Variants in TMEM255B observed in about 807,000 individuals in gnomAD.
The protein encoded by TMEM255B is family with sequence similarity 70, member B.
In TMEM255B, 35 loss-of-function variants were observed where a neutral mutation model predicts 34.5. The ratio of observed to expected loss-of-function variants is 1.01; its 90% confidence interval spans 0.77 to 1.34. The LOEUF is 1.34. Among genes scored for constraint, TMEM255B ranks in the 40% most tolerant of loss-of-function variants. TMEM255B has a pLI of 0.00. For missense variants in TMEM255B, 432 were observed against 433.2 expected, an observed-to-expected ratio of 1.00 and a Z score of 0.02; for synonymous variants, 206 against 201.2, an observed-to-expected ratio of 1.02 and a Z score of -0.20.
chr13:113,811,644 G>T, intron 8 of TMEM255B, 92 bp from the exon 9 acceptor site: 1 of 1,468,110 alleles, frequency 6.8e-7, no homozygotes, highest in Non-Finnish European at 9.3e-7. Flanking sequence ...GGTGGGGAGC[G>T]TGTGAGTGGC....
chr13:113,772,637 G>C (rs1351550402), intron 3 of TMEM255B, among the ~76,000 whole-genome samples: 1 of 152,220 alleles, frequency 6.6e-6, no homozygotes, highest in Admixed American at 6.5e-5. Flanking sequence ...ACATCCAGTT[G>C]TCCAAGCACC....
rs972937161 is a variant in TMEM255B at position 113,766,640 on chromosome 13, A to G, written c.189+383A>G. On this transcript the variant is annotated intron_variant, in intron 2 of 8. Transcript: ENST00000375353. ...AGCCCAGGATGTCCAAAAAGGCCGG[A>G]CAGAGCCTCCCCAAGCATCCTGGAA... 2.0e-5 allele frequency among the ~76,000 whole-genome samples: 3 copies of G among 152,362 alleles called. No individual in the cohort carries two copies. In the East Asian group the frequency reaches 5.8e-4, roughly 29 times the overall value.
chr13:113,783,304 C>T (rs1216716668), intron 3 of TMEM255B, among the ~76,000 whole-genome samples: 2 of 152,170 alleles, frequency 1.3e-5, no homozygotes, highest in Non-Finnish European at 2.9e-5. Flanking sequence ...AAGCCAGTGT[C>T]TCCCTGTTGG....
Position 113,799,401 on chromosome 13 carries a change from C to T in TMEM255B, c.405C>T (p.Tyr135=), listed in dbSNP as rs140209642. 1.0e-3 allele frequency: 1,675 copies of T among 1,614,162 alleles called. 2 individuals carry two copies. Among genetic ancestry groups the T allele is most frequent in the Non-Finnish European group, 1.3e-3 (1,501 of 1,180,024 alleles). Residue 135 remains tyrosine (Y), a synonymous_variant, in exon 5 of 9, where the codon TAC becomes TAT. Coordinates refer to ENST00000375353, the MANE Select transcript of TMEM255B (RefSeq NM_182614.4). ...QFYSSGVGYL[Y]DVYQTEVTCH... ...ACTCCAGTGGGGTGGGGTACTTGTA[C>T]GATGTCTACCAGACAGAGGTGAGCA...
chr13:113,762,310 T>C (rs1594611742), intron 1 of TMEM255B, among the ~76,000 whole-genome samples: 1 of 152,222 alleles, frequency 6.6e-6, no homozygotes, highest in South Asian at 2.1e-4. Context: ...GTTGGGAGTC[T>C]TCTTTTTGTT....
At chr13:113,777,704 C>T (rs2050602374) in intron 3 of TMEM255B, among the ~76,000 whole-genome samples, 1 of 152,202 alleles carries the variant, frequency 6.6e-6, no homozygotes. Flanking sequence ...CACCAGGTCC[C>T]TTGTCCTAAG....
In TMEM255B at chr13:113,811,895, G is replaced by T; in HGVS notation, c.973G>T (p.Ala325Ser). The change falls in exon 9 of 9, where the codon GCA (alanine) becomes TCA (serine). Residue 325 changes from alanine (A) to serine (S), a missense_variant. Transcript: ENST00000375353. ...CCCGGGGGAGAAGCCACCCCCCTACGCACCCTGATAGAGGCGTGGAGTAAA... is the reference window on the plus strand; with the variant it reads ...CCCGGGGGAGAAGCCACCCCCCTACTCACCCTGATAGAGGCGTGGAGTAAA... ...FPPGEKPPPY[A>S]P 6.2e-7 allele frequency: 1 copy of T among 1,608,166 alleles called. No homozygotes were observed.
At chr13:113,785,991 A>G (rs533278676) in intron 3 of TMEM255B, among the ~76,000 whole-genome samples, 2 of 152,332 alleles carry the variant, frequency 1.3e-5, no homozygotes, top group Non-Finnish European at 2.9e-5. Flanking sequence ...TCGTGTTTCC[A>G]AAGCAAAGCA....
intron 4 of TMEM255B, among the ~76,000 whole-genome samples, chr13:113,798,887 T>C (rs564174616): frequency 6.6e-6 from 1 of 152,128 alleles, no homozygotes; most frequent in Admixed American, 6.5e-5. Context: ...GATGGATGGT[T>C]GGGTGGGTGG....
chr13:113,789,613 C>T (rs2050794490), intron 3 of TMEM255B, among the ~76,000 whole-genome samples: 1 of 152,234 alleles, frequency 6.6e-6, no homozygotes, highest in Non-Finnish European at 1.5e-5. Context: ...TCTTTCCCAA[C>T]ACCACTGCCT....
chr13:113,798,873 A>G (rs890170318), intron 4 of TMEM255B, among the ~76,000 whole-genome samples: 3 of 151,714 alleles, frequency 2.0e-5, no homozygotes, highest in African/African-American at 4.8e-5. Context: ...TGATTGGATG[A>G]TTGGATGGAT....
chr13:113,799,395 C>G lies in TMEM255B; in HGVS notation c.399C>G (p.Tyr133Ter). The G allele has an allele frequency of 6.2e-7, 1 of 1,614,174 alleles. No individual in the cohort carries two copies. Among genetic ancestry groups the G allele is most frequent in the Non-Finnish European group, 8.5e-7 (1 of 1,180,026 alleles). Reference protein sequence around the residue: ...RCQFYSSGVGYLYDVYQTEVT... With the variant: ...RCQFYSSGVG Reference sequence around the variant, plus strand: ...AGTTTTACTCCAGTGGGGTGGGGTACTTGTACGATGTCTACCAGACAGAGG... The same window carrying G: ...AGTTTTACTCCAGTGGGGTGGGGTAGTTGTACGATGTCTACCAGACAGAGG... The change falls in exon 5 of 9, where the codon TAC becomes TAG. Residue 133 changes from tyrosine to a stop codon, truncating the protein, a stop_gained. Coordinates refer to ENST00000375353, the MANE Select transcript of TMEM255B (RefSeq NM_182614.4). LOFTEE classifies it high-confidence loss of function.
chr13:113,766,451 C>T (rs1247622170), intron 2 of TMEM255B, 194 bp downstream of exon 2: 16 of 812,478 alleles, frequency 2.0e-5, no homozygotes. Flanking sequence ...AGTGGCAGGT[C>T]CAAGGCAGAG....
At chr13:113,774,931 C>T (rs913336645) in intron 3 of TMEM255B, among the ~76,000 whole-genome samples, 3 of 150,040 alleles carry the variant, frequency 2.0e-5, no homozygotes, top group Non-Finnish European at 3.0e-5. Context: ...ACACTACTCA[C>T]ACCACACACA....
intron 3 of TMEM255B, among the ~76,000 whole-genome samples, chr13:113,794,815 A>C (rs1355196851): frequency 6.6e-6 from 1 of 152,262 alleles, no homozygotes; most frequent in Admixed American, 6.5e-5. Context: ...AAGCATGCAC[A>C]TGTGTGTGCG....
At chr13:113,804,012 T>TC (rs71105213) in intron 7 of TMEM255B, among the ~76,000 whole-genome samples, 106,333 of 151,658 alleles carry the variant, frequency 0.7, 37,529 homozygotes, top group East Asian at 0.86. Flanking sequence ...TCCCCTGGCT[T>TC]CCTCCAGGGT....
At chr13:113,763,191 C>G (rs1398500526) in intron 1 of TMEM255B, among the ~76,000 whole-genome samples, 1 of 152,280 alleles carries the variant, frequency 6.6e-6, no homozygotes, top group South Asian at 2.1e-4. Flanking sequence ...CTCTGAAAAT[C>G]GACACACAGC....
intron 3 of TMEM255B, among the ~76,000 whole-genome samples, chr13:113,779,534 G>A (rs548903299): frequency 7.9e-5 from 12 of 151,706 alleles, no homozygotes; most frequent in Admixed American, 3.3e-4. Flanking sequence ...ATTTGTTCCC[G>A]GAAGTGCTCT....
chr13:113,816,393 C>G lies in TMEM255B; in HGVS notation c.*4490C>G, dbSNP rs1261896693. 1.2e-5 allele frequency: 2 copies of G among 160,922 alleles called. No homozygotes were observed. The highest frequency in any genetic ancestry group is 2.7e-5 in the Non-Finnish European group (2 of 72,854). The allele number at this position is 160,922 out of a possible 1,614,324, so 10.0% of individuals were successfully genotyped here. On this transcript the variant is annotated 3_prime_UTR_variant, in exon 9 of 9. Transcript: ENST00000375353. ...GACGGCCCCGTGGATGGACTGACCA[C>G]CGACCCATGCTCTGCACTCATGAGG...
Sources: gnomAD v4.1 joint callset for allele counts (sites outside exome capture counted in the v4.1 genomes callset) on GRCh38, gnomAD v4.1.1 for gene constraint, MANE v1.5 for transcripts, NCBI Gene and HGNC (gene_info 2026-07-23, HGNC 2026-07-21) for gene names.